OLFM3: variants seen among roughly 807,000 people sequenced by gnomAD.
OLFM3 encodes the protein noelin-3.
Under a neutral mutation model 48.6 loss-of-function variants are expected in OLFM3, and 20 were observed. That is an observed-to-expected ratio of 0.41 (90% confidence interval 0.29 to 0.60). The LOEUF is 0.60. Ranked by LOEUF, OLFM3 falls within the 20% of genes least tolerant of loss-of-function variation. OLFM3 has a pLI of 0.28. For synonymous variants in OLFM3, 222 were observed against 198.1 expected (o/e 1.12, Z -1.01); for missense variants, 437 against 544.3 (o/e 0.80, Z 1.96).
intron 1 of OLFM3, among the ~76,000 whole-genome samples, chr1:101,902,653 A>G (rs1397022793): frequency 1.3e-5 from 2 of 152,136 alleles, no homozygotes; most frequent in Non-Finnish European, 2.9e-5. Context: ...GATATGTTAA[A>G]CAAACACCAC....
intron 1 of OLFM3, among the ~76,000 whole-genome samples, chr1:101,988,412 G>A (rs1557759119): frequency 6.6e-6 from 1 of 152,068 alleles, no homozygotes; most frequent in Non-Finnish European, 1.5e-5. Context: ...AGGATAGTGG[G>A]GTGTGCAGGA....
chr1:101,922,892 G>T (rs1340659404), intron 1 of OLFM3, among the ~76,000 whole-genome samples: 1 of 152,204 alleles, frequency 6.6e-6, no homozygotes, highest in Non-Finnish European at 1.5e-5. Flanking sequence ...AGTTTATGAT[G>T]AGGGGAGTAC....
At chr1:101,948,893 A>G (rs1660038322) in intron 1 of OLFM3, among the ~76,000 whole-genome samples, 1 of 148,174 alleles carries the variant, frequency 6.7e-6, no homozygotes, top group Admixed American at 6.8e-5. Context: ...TTATAGATAT[A>G]TATTTTATGC....
intron 1 of OLFM3, among the ~76,000 whole-genome samples, chr1:101,844,442 A>G (rs1387532570): frequency 6.6e-6 from 1 of 152,214 alleles, no homozygotes; most frequent in Non-Finnish European, 1.5e-5. Context: ...TGACTGGCAA[A>G]GCAATGGTGA....
chr1:101,960,328 C>A (rs766340590), intron 1 of OLFM3, among the ~76,000 whole-genome samples: 3 of 152,122 alleles, frequency 2.0e-5, no homozygotes, highest in Non-Finnish European at 4.4e-5. Flanking sequence ...ATTGTGACTG[C>A]TCTTTAGATG....
chr1:101,935,528 C>G (rs1029131759), intron 1 of OLFM3, among the ~76,000 whole-genome samples: 1 of 151,982 alleles, frequency 6.6e-6, no homozygotes, highest in Non-Finnish European at 1.5e-5. Flanking sequence ...GGAATCATAG[C>G]TGAATTCCAC....
intron 1 of OLFM3, among the ~76,000 whole-genome samples, chr1:101,892,509 T>C (rs1477357513): frequency 6.6e-6 from 1 of 152,090 alleles, no homozygotes; most frequent in Non-Finnish European, 1.5e-5. Context: ...GGTCACTCTT[T>C]AACAAATTTT....
rs149412767 is a variant in OLFM3, at chr1:101,976,577, T to A, written c.69+20171A>T. Among the ~76,000 whole-genome samples the A allele has an allele frequency of 3.2e-3, 491 of 152,314 alleles. 23 individuals are homozygous for A. In the East Asian group the frequency reaches 0.078, roughly 24 times the overall value. ...TTAGATACCGACAGAAACTATTATG[T>A]CATGTACTTCCCACAATAATCTTAT... On this transcript the variant is annotated intron_variant, in intron 1 of 5. Coordinates refer to ENST00000370103, the MANE Select transcript of OLFM3 (RefSeq NM_058170.4).
chr1:101,963,525 A>C (rs72731654), intron 1 of OLFM3, among the ~76,000 whole-genome samples: 25 of 151,370 alleles, frequency 1.7e-4, no homozygotes, highest in African/African-American at 5.1e-4. Flanking sequence ...AGACTTACAG[A>C]GACTTACAGC....
At chr1:101,965,723 AAATG>A (rs1406452876) in intron 1 of OLFM3, among the ~76,000 whole-genome samples, 1 of 152,212 alleles carries the variant, frequency 6.6e-6, no homozygotes, top group Non-Finnish European at 1.5e-5. Flanking sequence ...TACTATAACC[AAATG>A]AAGAGGTTAT....
chr1:101,933,378 G>C (rs1048224076), intron 1 of OLFM3, among the ~76,000 whole-genome samples: 1 of 151,790 alleles, frequency 6.6e-6, no homozygotes, highest in Admixed American at 6.6e-5. Context: ...CTCAAAAACT[G>C]GTTCTCTAAA....
intron 1 of OLFM3, among the ~76,000 whole-genome samples, chr1:101,976,221 CTCTG>C (rs1660949206): frequency 6.6e-6 from 1 of 152,140 alleles, no homozygotes; most frequent in South Asian, 2.1e-4. Flanking sequence ...CTGAGCTTCG[CTCTG>C]TCTGATTAAA....
intron 1 of OLFM3, among the ~76,000 whole-genome samples, chr1:101,890,618 G>T (rs1317293668): frequency 6.6e-6 from 1 of 150,560 alleles, no homozygotes; most frequent in Non-Finnish European, 1.5e-5. Flanking sequence ...TTCTAATTAA[G>T]GTAAAACTTT....
intron 1 of OLFM3, among the ~76,000 whole-genome samples, chr1:101,903,012 C>T (rs1658438016): frequency 6.6e-6 from 1 of 152,072 alleles, no homozygotes; most frequent in Non-Finnish European, 1.5e-5. Flanking sequence ...AGTGGAAATC[C>T]ACTTGACAGC....
At chr1:101,950,205 C>G (rs1192626978) in intron 1 of OLFM3, among the ~76,000 whole-genome samples, 1 of 152,068 alleles carries the variant, frequency 6.6e-6, no homozygotes, top group Admixed American at 6.5e-5. Flanking sequence ...CTTTGGTGTT[C>G]CTTGAACTCA....
intron 1 of OLFM3, among the ~76,000 whole-genome samples, chr1:101,889,366 G>A (rs969883318): frequency 3.9e-5 from 6 of 152,208 alleles, no homozygotes; most frequent in African/African-American, 1.2e-4. Flanking sequence ...CATGAATGAA[G>A]CTGGAAGCCA....
intron 1 of OLFM3, among the ~76,000 whole-genome samples, chr1:101,896,448 T>C (rs1333041039): frequency 6.6e-6 from 1 of 151,514 alleles, no homozygotes; most frequent in Non-Finnish European, 1.5e-5. Context: ...ACTGCAGTTG[T>C]GCAGGACGTT....
At chr1:101,833,400 A>G (rs1205037513) in intron 2 of OLFM3, among the ~76,000 whole-genome samples, 2 of 152,198 alleles carry the variant, frequency 1.3e-5, no homozygotes, top group Non-Finnish European at 2.9e-5. Flanking sequence ...TTAGTTTCCC[A>G]CTGGCTATAG....
In OLFM3 at chr1:101,894,868, G is replaced by A. The variant is rs182834716; in HGVS notation, c.70-57843C>T. On this transcript the variant is annotated intron_variant, in intron 1 of 5. Coordinates refer to ENST00000370103, the MANE Select transcript of OLFM3 (RefSeq NM_058170.4). ...CCTTCTTTAAGCTTTCCAGTAGCAT[G>A]TTTGGAAATATTTTCCCTACATGGA... Among the ~76,000 whole-genome samples, 456 of 152,196 alleles carry A rather than the reference G, an allele frequency of 3.0e-3. 1 individual carries two copies. Among genetic ancestry groups the A allele is most frequent in the Non-Finnish European group, 4.4e-3 (301 of 67,964 alleles).
Sources: allele counts gnomAD v4.1 joint callset (sites outside exome capture counted in the v4.1 genomes callset), GRCh38; gene constraint gnomAD v4.1.1; transcripts MANE v1.5; gene names NCBI Gene and HGNC (gene_info 2026-07-23, HGNC 2026-07-21).